TAFA1: variants seen among roughly 807,000 people sequenced by gnomAD.
TAFA1 encodes chemokine-like protein TAFA-1.
A neutral mutation model predicts 18.5 loss-of-function variants in TAFA1; 4 were observed. The ratio of observed to expected loss-of-function variants is 0.22; its 90% CI spans 0.11 to 0.49. TAFA1 has a LOEUF of 0.49. Among genes scored for constraint, TAFA1 ranks in the 20% least tolerant of loss-of-function variants. TAFA1 has a pLI of 0.98. For synonymous variants in TAFA1, 56 were observed against 55.2 expected, an observed-to-expected ratio of 1.01 and a Z score of -0.06; for missense variants, 147 against 169.0, an observed-to-expected ratio of 0.87 and a Z score of 0.72.
intron 2 of TAFA1, among the ~76,000 whole-genome samples, chr3:68,012,349 G>T (rs1342659388): frequency 1.3e-5 from 2 of 152,104 alleles, no homozygotes; most frequent in East Asian, 3.8e-4. Context: ...TTTCATCTCC[G>T]TCAAAAGGGG....
chr3:68,159,469 G>C (rs575410054), intron 2 of TAFA1, among the ~76,000 whole-genome samples: 3 of 152,234 alleles, frequency 2.0e-5, no homozygotes, highest in Admixed American at 6.5e-5. Flanking sequence ...TTCTGTAATT[G>C]AGTATCCCCA....
At chr3:68,512,062 A>G (rs555018552) in intron 3 of TAFA1, among the ~76,000 whole-genome samples, 5 of 152,238 alleles carry the variant, frequency 3.3e-5, no homozygotes, top group African/African-American at 1.2e-4. Flanking sequence ...ACCAAGGTTT[A>G]CAGAAGTTAA....
At chr3:68,419,298 A>G (rs774705851) in intron 3 of TAFA1, among the ~76,000 whole-genome samples, 88 of 152,268 alleles carry the variant, frequency 5.8e-4, no homozygotes, top group Non-Finnish European at 9.4e-4. Flanking sequence ...GCACCATGGA[A>G]GCTGGTTACC....
chr3:68,365,483 T>C (rs1447130498), intron 2 of TAFA1, among the ~76,000 whole-genome samples: 1 of 152,084 alleles, frequency 6.6e-6, no homozygotes, highest in Non-Finnish European at 1.5e-5. Context: ...AACACTACAA[T>C]GTATAAGATA....
At chr3:68,058,148 TAATC>T in intron 2 of TAFA1, among the ~76,000 whole-genome samples, 1 of 152,204 alleles carries the variant, frequency 6.6e-6, no homozygotes, top group Non-Finnish European at 1.5e-5. Flanking sequence ...TAGATGCTAA[TAATC>T]TAGTTAGTGA....
chr3:68,439,203 CT>C (rs1487832080), intron 3 of TAFA1, among the ~76,000 whole-genome samples: 1 of 151,646 alleles, frequency 6.6e-6, no homozygotes, highest in African/African-American at 2.4e-5. Flanking sequence ...ACTCTTCTTT[CT>C]TTTTATTTAT....
At chr3:68,409,486 C>T (rs963011521) in intron 2 of TAFA1, among the ~76,000 whole-genome samples, 1 of 152,112 alleles carries the variant, frequency 6.6e-6, no homozygotes, top group South Asian at 2.1e-4. Context: ...TTCCCCTGCA[C>T]TCTCTCTCCT....
At chr3:68,166,995 G>GT (rs2065989904) in intron 2 of TAFA1, among the ~76,000 whole-genome samples, 1 of 152,152 alleles carries the variant, frequency 6.6e-6, no homozygotes, top group East Asian at 1.9e-4. Flanking sequence ...AATATTGTTG[G>GT]TGGAGGCTTT....
intron 2 of TAFA1, among the ~76,000 whole-genome samples, chr3:68,174,019 A>G (rs1437487641): frequency 1.3e-5 from 2 of 152,230 alleles, no homozygotes; most frequent in Non-Finnish European, 2.9e-5. Flanking sequence ...AATGATAACT[A>G]AAACCTCTTA....
intron 3 of TAFA1, among the ~76,000 whole-genome samples, chr3:68,519,938 G>C (rs969765758): frequency 2.6e-5 from 4 of 152,116 alleles, no homozygotes; most frequent in African/African-American, 4.8e-5. Context: ...TGAATTGAGG[G>C]GGAATGTTGT....
intron 2 of TAFA1, among the ~76,000 whole-genome samples, chr3:68,331,304 C>T (rs905373403): frequency 3.9e-5 from 6 of 152,110 alleles, no homozygotes; most frequent in Admixed American, 1.3e-4. Flanking sequence ...TGGAGACTGA[C>T]TTCTTGAAGG....
chr3:68,420,415 G>A (rs1365103995), intron 3 of TAFA1, among the ~76,000 whole-genome samples: 5 of 152,032 alleles, frequency 3.3e-5, no homozygotes, highest in South Asian at 2.1e-4. Flanking sequence ...AGATGAGGTC[G>A]TGCTACATAG....
chr3:68,522,049 G>A (rs2073035503), intron 3 of TAFA1, among the ~76,000 whole-genome samples: 1 of 151,262 alleles, frequency 6.6e-6, no homozygotes, highest in Admixed American at 6.6e-5. Context: ...GTCTCGCTTT[G>A]TTGCTCAGGG....
At chr3:68,535,176 A>G (rs1046345299) in intron 3 of TAFA1, among the ~76,000 whole-genome samples, 1 of 152,204 alleles carries the variant, frequency 6.6e-6, no homozygotes, top group African/African-American at 2.4e-5. Context: ...GGTTTTCAAT[A>G]AACACTGGCA....
At chr3:68,290,206 A>G (rs571649060) in intron 2 of TAFA1, among the ~76,000 whole-genome samples, 1 of 152,248 alleles carries the variant, frequency 6.6e-6, no homozygotes, top group Non-Finnish European at 1.5e-5. Flanking sequence ...TTAACCCAAT[A>G]TTTCTCAAAT....
chr3:68,423,972 A>T (rs139724223), intron 3 of TAFA1, among the ~76,000 whole-genome samples: 1 of 152,164 alleles, frequency 6.6e-6, no homozygotes, highest in African/African-American at 2.4e-5. Context: ...TTGCCGTCTT[A>T]TACTGGATCA....
intron 2 of TAFA1, among the ~76,000 whole-genome samples, chr3:68,205,545 T>C (rs2066516155): frequency 6.6e-6 from 1 of 151,822 alleles, no homozygotes; most frequent in Non-Finnish European, 1.5e-5. Flanking sequence ...CTGACAGTAT[T>C]TGATAGCTAT....
chr3:68,112,565 T>A (rs1378618578), intron 2 of TAFA1, among the ~76,000 whole-genome samples: 1 of 152,048 alleles, frequency 6.6e-6, no homozygotes, highest in Non-Finnish European at 1.5e-5. Flanking sequence ...TCCCTTAGAG[T>A]CTGGGACTAA....
intron 2 of TAFA1, among the ~76,000 whole-genome samples, chr3:68,310,977 G>A (rs1252839378): frequency 6.6e-6 from 1 of 152,132 alleles, no homozygotes; most frequent in African/African-American, 2.4e-5. Context: ...AAAGAAAGAG[G>A]TTTAATTGGA....
Sources: gnomAD v4.1 joint callset for allele counts (sites outside exome capture counted in the v4.1 genomes callset) on GRCh38, gnomAD v4.1.1 for gene constraint, MANE v1.5 for transcripts, NCBI Gene and HGNC (gene_info 2026-07-23, HGNC 2026-07-21) for gene names.